The following LRBA variants were observed in gnomAD, a reference collection of about 807,000 sequenced individuals.
LRBA encodes LPS responsive beige-like anchor protein, also known as lipopolysaccharide-responsive and beige-like anchor protein.
In LRBA, 176 loss-of-function variants were observed where a neutral mutation model predicts 330.0. The ratio of observed to expected loss-of-function variants is 0.53; its 90% confidence interval spans 0.47 to 0.60. The LOEUF (loss-of-function observed/expected upper bound fraction) is 0.60, where lower values mean the gene tolerates loss of function less well. Among genes scored for constraint, LRBA ranks in the 20% least tolerant of loss-of-function variants. The pLI is 0.00. For missense variants in LRBA, 3,259 were observed against 3,444.8 expected (o/e 0.95, Z 1.35); for synonymous variants, 1,230 against 1,193.0 (o/e 1.03, Z -0.64).
chr4:150,665,590 T>A (rs1315702548), intron 37 of LRBA, among the ~76,000 whole-genome samples: 2 of 152,230 alleles, frequency 1.3e-5, no homozygotes, highest in Admixed American at 1.3e-4. Flanking sequence ...CTGGTCTAAT[T>A]TCTATTCTTA....
intron 30 of LRBA, among the ~76,000 whole-genome samples, chr4:150,818,503 A>T (rs1236459619): frequency 1.3e-5 from 2 of 149,130 alleles, no homozygotes; most frequent in African/African-American, 4.9e-5. Flanking sequence ...AAGATTATTG[A>T]CTTAAGGGGG....
rs1746650260 is a variant in LRBA at position 150,275,578 on chromosome 4, C to T, written c.8468+2275G>A. ...TCCTTAAGCTGATAGGCAACTTCAG[C>T]AAAGTCTCAGGATACAAAATCAATG... On this transcript the variant is annotated intron_variant, in intron 56 of 56. Transcript: ENST00000651943. 2.6e-5 allele frequency among the ~76,000 whole-genome samples: 4 copies of T among 152,294 alleles called. No homozygotes were observed. In the South Asian group the frequency reaches 8.3e-4, roughly 32 times the overall value.
chr4:150,672,937 T>G (rs887857006), intron 37 of LRBA, among the ~76,000 whole-genome samples: 1 of 152,106 alleles, frequency 6.6e-6, no homozygotes, highest in Non-Finnish European at 1.5e-5. Flanking sequence ...AGGAAAGTAG[T>G]AAGGAGAAGG....
chr4:150,708,581 C>T (rs543785052), intron 36 of LRBA, among the ~76,000 whole-genome samples: 1 of 151,882 alleles, frequency 6.6e-6, no homozygotes, highest in East Asian at 1.9e-4. Context: ...TTTGTTTATA[C>T]TGTTGCCAGA....
Position 150,599,002 on chromosome 4 carries a change from C to T in LRBA, c.6046+5G>A. 2.5e-6 allele frequency: 4 copies of T among 1,613,994 alleles called. No homozygotes were observed. The highest frequency in any genetic ancestry group is 1.3e-5 in the African/African-American group (1 of 75,036). On this transcript the variant is annotated splice_donor_5th_base_variant and intron_variant, in intron 38 of 56. Transcript: ENST00000651943. ...CTATTGGCAAGGAATGGTTTATACA[C>T]TGACCATGTTCCACGGCTGTTTTTA...
chr4:150,331,432 G>A (rs531343680), intron 48 of LRBA, among the ~76,000 whole-genome samples: 182 of 152,130 alleles, frequency 1.2e-3, no homozygotes, highest in African/African-American at 4.2e-3. Flanking sequence ...TCACTTTTTA[G>A]ACATTCAGTT....
At chr4:150,530,993 T>C (rs952151185) in intron 40 of LRBA, among the ~76,000 whole-genome samples, 1 of 152,180 alleles carries the variant, frequency 6.6e-6, no homozygotes, top group East Asian at 1.9e-4. Flanking sequence ...TGAATTTCCA[T>C]ATGCCCCAAC....
chr4:150,896,389 A>T lies in LRBA; in HGVS notation c.2067+5T>A. ...AAATTTCAAAATATAAAATTCATATATTACCTCATGCATAGTCAGTAGGTA... is the reference window on the plus strand; with the variant it reads ...AAATTTCAAAATATAAAATTCATATTTTACCTCATGCATAGTCAGTAGGTA... On this transcript the variant is annotated splice_donor_5th_base_variant and intron_variant, in intron 16 of 56. Coordinates refer to ENST00000651943, the MANE Select transcript of LRBA (RefSeq NM_001364905.1). 7.0e-7 allele frequency: 1 copy of T among 1,426,502 alleles called. No homozygotes were observed. Among genetic ancestry groups the T allele is most frequent in the Non-Finnish European group, 9.7e-7 (1 of 1,028,896 alleles). The allele number at this position is 1,426,502 out of a possible 1,614,324, so 88.4% of individuals were successfully genotyped here.
intron 17 of LRBA, among the ~76,000 whole-genome samples, 181 bp downstream of exon 17, chr4:150,892,871 G>A (rs1729610528): frequency 6.6e-6 from 1 of 151,816 alleles, no homozygotes; most frequent in Non-Finnish European, 1.5e-5. Flanking sequence ...TAGTAACACA[G>A]CCTCTATAAT....
chr4:150,340,536 C>T (rs1735381320), intron 48 of LRBA, among the ~76,000 whole-genome samples: 1 of 152,112 alleles, frequency 6.6e-6, no homozygotes, highest in Non-Finnish European at 1.5e-5. Flanking sequence ...GGGTCCTGCT[C>T]TTTGCCCAGG....
At chr4:150,723,144 C>G (rs1279139902) in intron 36 of LRBA, among the ~76,000 whole-genome samples, 7 of 152,110 alleles carry the variant, frequency 4.6e-5, no homozygotes, top group Non-Finnish European at 1.0e-4. Flanking sequence ...ACGGCAATTT[C>G]TAGGCTCCTC....
chr4:150,344,298 T>C (rs1735983282), intron 48 of LRBA, among the ~76,000 whole-genome samples: 1 of 152,250 alleles, frequency 6.6e-6, no homozygotes, highest in Non-Finnish European at 1.5e-5. Context: ...AATGGGTGAA[T>C]TGTAACATAT....
At chr4:150,984,517 A>C (rs921783609) in intron 2 of LRBA, among the ~76,000 whole-genome samples, 2 of 152,220 alleles carry the variant, frequency 1.3e-5, no homozygotes, top group African/African-American at 2.4e-5. Context: ...CTCAAAAAAA[A>C]AAAGAACTTT....
intron 2 of LRBA, chr4:150,970,564 C>CGT (rs1561074320): frequency 4.5e-4 from 61 of 136,076 alleles, no homozygotes; most frequent in South Asian, 1.2e-3. Flanking sequence ...TGTACACACA[C>CGT]ACACACACAC....
At chr4:150,831,379 G>C (rs779504175) in intron 29 of LRBA, among the ~76,000 whole-genome samples, 1 of 151,888 alleles carries the variant, frequency 6.6e-6, no homozygotes, top group Non-Finnish European at 1.5e-5. Flanking sequence ...AATGAATATC[G>C]AGTGAATAAT....
chr4:150,727,150 C>T (rs761006562), intron 36 of LRBA, among the ~76,000 whole-genome samples: 8 of 148,294 alleles, frequency 5.4e-5, no homozygotes, highest in African/African-American at 2.0e-4. Flanking sequence ...CTCAGCTCAC[C>T]GCAACCTCCA....
intron 40 of LRBA, among the ~76,000 whole-genome samples, chr4:150,560,251 G>A (rs764262733): frequency 6.6e-6 from 1 of 151,698 alleles, no homozygotes; most frequent in Non-Finnish European, 1.5e-5. Context: ...TGTATAGAGA[G>A]AGACAATGTC....
chr4:150,867,990 C>T (rs1752943277), intron 21 of LRBA, 127 bp from the exon 22 acceptor site: 4 of 914,912 alleles, frequency 4.4e-6, no homozygotes, highest in African/African-American at 1.7e-5. Flanking sequence ...TTTAGTTATA[C>T]ATTAAGAACA....
At chr4:150,906,229 G>T in intron 12 of LRBA, 68 bp downstream of exon 12, 1 of 993,522 alleles carries the variant, frequency 1.0e-6, no homozygotes, top group Non-Finnish European at 1.6e-6. Context: ...GAATTCCTTA[G>T]CCACTTAGAG....
Sources: allele counts gnomAD v4.1 joint callset (sites outside exome capture counted in the v4.1 genomes callset), GRCh38; gene constraint gnomAD v4.1.1; transcripts MANE v1.5; gene names NCBI Gene and HGNC (gene_info 2026-07-23, HGNC 2026-07-21).